LRP1B: variants seen among roughly 807,000 people sequenced by gnomAD.
LRP1B encodes LDL receptor related protein 1B, also known as low-density lipoprotein receptor-related protein 1B.
In LRP1B, 217 loss-of-function variants were observed where a neutral mutation model predicts 556.6. The observed-to-expected ratio is 0.39, with a 90% CI of 0.35 to 0.44. The LOEUF is 0.44. LRP1B is among the 20% of genes least tolerant of loss of function. The pLI, the probability that LRP1B is intolerant of heterozygous loss-of-function variation, is 1.00. For synonymous variants in LRP1B, 2,047 were observed against 1,865.8 expected, an observed-to-expected ratio of 1.10 and a Z score of -2.50; for missense variants, 5,053 against 5,620.8, an observed-to-expected ratio of 0.90 and a Z score of 3.23.
chr2:140,246,691 C>T (rs542704583), intron 87 of LRP1B, among the ~76,000 whole-genome samples: 13 of 151,486 alleles, frequency 8.6e-5, no homozygotes, highest in Non-Finnish European at 1.5e-4. Context: ...CCCCCCAAGA[C>T]ACATTGAAAT....
chr2:140,681,348 A>G (rs1405677517), intron 41 of LRP1B, among the ~76,000 whole-genome samples: 2 of 152,174 alleles, frequency 1.3e-5, no homozygotes, highest in Non-Finnish European at 2.9e-5. Flanking sequence ...ATTCACAGCT[A>G]AAGTCAAAAG....
chr2:142,061,745 C>A (rs1057193809), intron 1 of LRP1B, among the ~76,000 whole-genome samples: 1 of 151,958 alleles, frequency 6.6e-6, no homozygotes, highest in Non-Finnish European at 1.5e-5. Context: ...TAGTCATATG[C>A]ATTTAATGGT....
chr2:141,665,334 A>G (rs139555068), intron 2 of LRP1B, among the ~76,000 whole-genome samples: 332 of 152,352 alleles, frequency 2.2e-3, no homozygotes, highest in Middle Eastern at 0.01. Flanking sequence ...AATAAAGCTC[A>G]ACATCACTGA....
chr2:140,268,508 A>G (rs2104940635), intron 86 of LRP1B, among the ~76,000 whole-genome samples: 1 of 152,152 alleles, frequency 6.6e-6, no homozygotes, highest in South Asian at 2.1e-4. Context: ...ACTATTAGGC[A>G]CTTTGAGATT....
intron 41 of LRP1B, among the ~76,000 whole-genome samples, chr2:140,630,507 G>C (rs903501287): frequency 3.9e-5 from 6 of 152,138 alleles, no homozygotes; most frequent in African/African-American, 1.4e-4. Context: ...AGCTACAAAT[G>C]GGAAGGAGCA....
intron 10 of LRP1B, among the ~76,000 whole-genome samples, chr2:141,050,214 A>C (rs933074300): frequency 6.6e-6 from 1 of 151,912 alleles, no homozygotes; most frequent in Non-Finnish European, 1.5e-5. Flanking sequence ...AAAATAAAAA[A>C]TAAGCAATTA....
chr2:140,434,133 G>T (rs2105288264), intron 66 of LRP1B, among the ~76,000 whole-genome samples: 1 of 151,860 alleles, frequency 6.6e-6, no homozygotes, highest in Middle Eastern at 3.4e-3. Flanking sequence ...GTAGTGGTGC[G>T]ATCTCTGCTC....
chr2:141,284,854 T>C (rs189295737), intron 3 of LRP1B, among the ~76,000 whole-genome samples: 4 of 152,308 alleles, frequency 2.6e-5, no homozygotes, highest in Admixed American at 2.6e-4. Flanking sequence ...TTTTAATTAT[T>C]AAAGTTTTAA....
At chr2:141,680,418 G>A (rs183852298) in intron 2 of LRP1B, among the ~76,000 whole-genome samples, 4 of 152,158 alleles carry the variant, frequency 2.6e-5, no homozygotes, top group Admixed American at 6.6e-5. Context: ...AAAAATAAGC[G>A]GGAAACTTCT....
At chr2:141,185,701 A>G (rs912565637) in intron 7 of LRP1B, among the ~76,000 whole-genome samples, 1 of 151,102 alleles carries the variant, frequency 6.6e-6, no homozygotes. Flanking sequence ...AAAAAACAAA[A>G]AAAAAAACAA....
chr2:141,872,460 C>T (rs10439186), intron 1 of LRP1B, among the ~76,000 whole-genome samples: 26,188 of 151,632 alleles, frequency 0.17, 2,298 homozygotes, highest in South Asian at 0.19. Flanking sequence ...GAGCAAAAAG[C>T]ATATGAAAGA....
At position 141,954,580 on chromosome 2, in the gene LRP1B, A is replaced by C. The variant is rs563981817; in HGVS notation, c.83-144179T>G. 6.6e-5 allele frequency among the ~76,000 whole-genome samples: 10 copies of C among 152,250 alleles called. No homozygotes were observed. The East Asian group carries it at 1.9e-3, about 29-fold the overall frequency. On this transcript the variant is annotated intron_variant, in intron 1 of 90. Coordinates refer to ENST00000389484, the MANE Select transcript of LRP1B (RefSeq NM_018557.3). ...GTTTTCTGTGAATATTAAACATATA[A>C]ATTAACATGTTTTCTGGAACACAGC...
chr2:141,213,110 CTAAT>C (rs1346098547), intron 6 of LRP1B, among the ~76,000 whole-genome samples: 2 of 148,472 alleles, frequency 1.3e-5, no homozygotes, highest in Non-Finnish European at 2.9e-5. Flanking sequence ...TCATCCTCAG[CTAAT>C]TAATTTTTTT....
rs2104867805 is a variant in LRP1B, at chr2:140,231,884, G to T, written c.*1302C>A. ...TGAATAAATCTTTTGTGCCTTTAAA[G>T]ATATTTGTATAAAAATGCTATCCTT... On this transcript the variant is annotated 3_prime_UTR_variant, in exon 91 of 91. Coordinates refer to ENST00000389484, the MANE Select transcript of LRP1B (RefSeq NM_018557.3). The T allele has an allele frequency of 6.6e-6, 1 of 151,834 alleles. No individual in the cohort carries two copies. Among genetic ancestry groups the T allele is most frequent in the South Asian group, 2.1e-4 (1 of 4,814 alleles). The allele number at this position is 151,834 out of a possible 1,614,324, so 9.4% of individuals were successfully genotyped here. A position where few individuals can be genotyped will look rare whatever the true frequency, so the allele number is the denominator to read the frequency against.
intron 18 of LRP1B, among the ~76,000 whole-genome samples, chr2:140,977,797 T>C (rs1696650718): frequency 6.6e-6 from 1 of 152,112 alleles, no homozygotes; most frequent in Non-Finnish European, 1.5e-5. Flanking sequence ...GATCACACAT[T>C]TCATCATTAG....
At chr2:141,074,996 T>A (rs1699750817) in intron 7 of LRP1B, among the ~76,000 whole-genome samples, 1 of 152,158 alleles carries the variant, frequency 6.6e-6, no homozygotes, top group African/African-American at 2.4e-5. Flanking sequence ...CAATATTCAC[T>A]TGATTTTACC....
rs945493176 is a variant in LRP1B, at chr2:141,080,073, T to A, written c.1014-17800A>T. On this transcript the variant is annotated intron_variant, in intron 7 of 90. Coordinates refer to ENST00000389484, the MANE Select transcript of LRP1B (RefSeq NM_018557.3). ...ATATAAGCTATATGCTAAATAGAGC[T>A]CACTCTTTTGGAATCATGATCAGCT... Among the ~76,000 whole-genome samples the A allele has an allele frequency of 2.0e-5, 3 of 152,222 alleles. No homozygotes were observed. The East Asian group carries it at 5.8e-4, about 29-fold the overall frequency.
intron 66 of LRP1B, among the ~76,000 whole-genome samples, chr2:140,388,000 GATCTTGGCTCACTGCA>G (rs1043047354): frequency 6.7e-6 from 1 of 148,546 alleles, no homozygotes; most frequent in Non-Finnish European, 1.5e-5. Flanking sequence ...GCAGTGGCAT[GATCTTGGCTCACTGCA>G]ACCTCTGCTT....
chr2:141,326,494 G>A (rs1355660129), intron 3 of LRP1B, among the ~76,000 whole-genome samples: 3 of 152,078 alleles, frequency 2.0e-5, no homozygotes, highest in Non-Finnish European at 2.9e-5. Flanking sequence ...TATATAGAGA[G>A]GAAAACTATG....
Sources: gnomAD v4.1 joint callset for allele counts (sites outside exome capture counted in the v4.1 genomes callset) on GRCh38, gnomAD v4.1.1 for gene constraint, MANE v1.5 for transcripts, NCBI Gene and HGNC (gene_info 2026-07-23, HGNC 2026-07-21) for gene names.